The following BLTP1 variants were observed in gnomAD, a reference collection of about 807,000 sequenced individuals.
The protein encoded by BLTP1 is fragile site-associated protein.
the BLTP1 span, chr4:122,286,441 A>T: frequency 6.5e-7 from 1 of 1,543,636 alleles, no homozygotes; most frequent in Non-Finnish European, 8.7e-7. Flanking sequence ...AGGTTTGGGA[A>T]TATCCATGCA....
At chr4:122,293,166 A>G in the BLTP1 span, 12 of 982,466 alleles carry the variant, frequency 1.2e-5, no homozygotes, top group Non-Finnish European at 1.5e-5. Context: ...CTATGAAATA[A>G]AACTTGATTG....
the BLTP1 span, among the ~76,000 whole-genome samples, chr4:122,202,228 TC>T: frequency 6.6e-6 from 1 of 152,194 alleles, no homozygotes; most frequent in Admixed American, 6.5e-5. Flanking sequence ...ATTTTGACAG[TC>T]CCTGGCAAGT....
At chr4:122,327,609 A>G in the BLTP1 span, among the ~76,000 whole-genome samples, 4 of 151,630 alleles carry the variant, frequency 2.6e-5, no homozygotes, top group African/African-American at 4.8e-5. Flanking sequence ...TCATTTTTAA[A>G]AGATCCACAA....
chr4:122,265,116 A>C, the BLTP1 span, among the ~76,000 whole-genome samples: 3 of 152,296 alleles, frequency 2.0e-5, no homozygotes, highest in East Asian at 5.8e-4. Context: ...GCATATTTAC[A>C]TACAGCTCTC....
the BLTP1 span, among the ~76,000 whole-genome samples, chr4:122,266,467 G>C: frequency 6.6e-6 from 1 of 151,988 alleles, no homozygotes; most frequent in Admixed American, 6.6e-5. Flanking sequence ...TGTTTTAAAA[G>C]CAAGAGGTAG....
the BLTP1 span, chr4:122,204,374 TGCC>T: frequency 1.1e-6 from 1 of 927,832 alleles, no homozygotes; most frequent in Non-Finnish European, 1.3e-6. Flanking sequence ...GATAGTATTT[TGCC>T]ATTTACAAAG....
At chr4:122,183,400 C>A in the BLTP1 span, 1 of 946,608 alleles carries the variant, frequency 1.1e-6, no homozygotes, top group Non-Finnish European at 1.3e-6. Flanking sequence ...ATTCTAGAAT[C>A]AGAGAATTTC....
chr4:122,316,340 TTAC>T, the BLTP1 span: 1 of 469,380 alleles, frequency 2.1e-6, no homozygotes, highest in South Asian at 1.6e-5. Flanking sequence ...TTACTGTTTA[TTAC>T]TTAGAGTTCA....
the BLTP1 span, chr4:122,309,224 T>G: frequency 2.1e-4 from 331 of 1,583,466 alleles, 1 homozygote; most frequent in East Asian, 6.6e-3. Flanking sequence ...GTTTAAAAAA[T>G]TGTCACCTTT....
At chr4:122,221,212 A>G in the BLTP1 span, 1 of 194,726 alleles carries the variant, frequency 5.1e-6, no homozygotes, top group Non-Finnish European at 9.3e-6. Context: ...GTAGTAATTG[A>G]TCATTTTATT....
chr4:122,322,316 T>C, the BLTP1 span, among the ~76,000 whole-genome samples: 2 of 152,028 alleles, frequency 1.3e-5, no homozygotes, highest in African/African-American at 4.8e-5. Context: ...AGTCTACTAA[T>C]AAGTTCATCA....
the BLTP1 span, chr4:122,258,566 TG>T: frequency 1.8e-6 from 2 of 1,138,392 alleles, no homozygotes; most frequent in African/African-American, 1.6e-5. Flanking sequence ...AGGATTGGGG[TG>T]GGGGAGAAAA....
the BLTP1 span, chr4:122,277,086 T>C: frequency 1.0e-6 from 1 of 984,772 alleles, no homozygotes; most frequent in East Asian, 1.1e-4. Flanking sequence ...ACATTTATAT[T>C]AGAAGTTATT....
the BLTP1 span, chr4:122,171,902 C>A: frequency 1.0e-6 from 1 of 985,148 alleles, no homozygotes; most frequent in Non-Finnish European, 1.2e-6. Flanking sequence ...GACTACGATT[C>A]CTGGCTTGTT....
chr4:122,346,705 T>A, the BLTP1 span: 1 of 1,613,430 alleles, frequency 6.2e-7, no homozygotes, highest in South Asian at 1.1e-5. Flanking sequence ...GAGCATGGTA[T>A]AGAAGAAGTA....
chr4:122,211,406 T>C, the BLTP1 span, among the ~76,000 whole-genome samples: 1 of 152,128 alleles, frequency 6.6e-6, no homozygotes, highest in African/African-American at 2.4e-5. Flanking sequence ...TAGACAGATA[T>C]ATGGACAAAT....
chr4:122,156,848 A>G, the BLTP1 span, among the ~76,000 whole-genome samples: 39 of 152,228 alleles, frequency 2.6e-4, no homozygotes, highest in African/African-American at 9.2e-4. Context: ...GCTCAGGTCA[A>G]GGGTACTTTA....
At chr4:122,292,245 G>C in the BLTP1 span, 1 of 607,722 alleles carries the variant, frequency 1.6e-6, no homozygotes. Context: ...TGGGATTACA[G>C]GCGTGAGCCA....
At chr4:122,279,784 G>A in the BLTP1 span, 12 of 1,613,260 alleles carry the variant, frequency 7.4e-6, no homozygotes. Flanking sequence ...GAACTGTAGT[G>A]AAATGTAGTA....
Sources: gnomAD v4.1 joint callset for allele counts (sites outside exome capture counted in the v4.1 genomes callset) on GRCh38, gnomAD v4.1.1 for gene constraint, MANE v1.5 for transcripts, NCBI Gene and HGNC (gene_info 2026-07-23, HGNC 2026-07-21) for gene names.